ADAMTS17: variants seen among roughly 807,000 people sequenced by gnomAD.
The protein encoded by ADAMTS17 is A disintegrin and metalloproteinase with thrombospondin motifs 17.
Under a neutral mutation model 141.5 loss-of-function variants are expected in ADAMTS17, and 113 were observed. The observed-to-expected ratio is 0.80, with a 90% CI of 0.69 to 0.93. The LOEUF is 0.93. ADAMTS17 is among the 40% of genes least tolerant of loss of function. The pLI is 0.00. For missense variants in ADAMTS17, 1,659 were observed against 1,517.9 expected (o/e 1.09, Z -1.54); for synonymous variants, 768 against 630.6 (o/e 1.22, Z -3.27).
rs912220510 is a variant in ADAMTS17, at chr15:100,238,703, T to A, written c.1075+15433A>T. Among the ~76,000 whole-genome samples the A allele has an allele frequency of 2.0e-5, 3 of 152,198 alleles. No individual in the cohort carries two copies. In the South Asian group the frequency reaches 6.2e-4, roughly 32 times the overall value. On this transcript the variant is annotated intron_variant, in intron 7 of 21. Transcript: ENST00000268070. ...CCAGCTCTGTCACTCGCGAGTGGCATAATTTCAGACAAGAAATGTATTCTT... is the reference window on the plus strand; with the variant it reads ...CCAGCTCTGTCACTCGCGAGTGGCAAAATTTCAGACAAGAAATGTATTCTT...
chr15:100,312,386 A>C (rs758003704), intron 3 of ADAMTS17, among the ~76,000 whole-genome samples: 3 of 152,084 alleles, frequency 2.0e-5, no homozygotes, highest in Non-Finnish European at 4.4e-5. Context: ...AAAATGAGGA[A>C]ACAGATTCTC....
intron 15 of ADAMTS17, among the ~76,000 whole-genome samples, chr15:100,084,769 T>A (rs1218363013): frequency 6.6e-6 from 1 of 152,194 alleles, no homozygotes; most frequent in Non-Finnish European, 1.5e-5. Context: ...CCAACAGACC[T>A]GTAGCTGAGG....
intron 15 of ADAMTS17, among the ~76,000 whole-genome samples, chr15:100,068,948 C>G (rs1227432107): frequency 6.6e-6 from 1 of 152,096 alleles, no homozygotes; most frequent in Non-Finnish European, 1.5e-5. Flanking sequence ...CTACTCCGAG[C>G]TAAAGGAGGA....
intron 7 of ADAMTS17, among the ~76,000 whole-genome samples, chr15:100,243,005 G>A (rs1450851014): frequency 6.6e-6 from 1 of 152,100 alleles, no homozygotes; most frequent in Admixed American, 6.6e-5. Context: ...TCAGCTCCTG[G>A]CAACTGCCAT....
chr15:100,054,008 T>C lies in ADAMTS17; in HGVS notation c.2184A>G (p.Ile728Met), dbSNP rs771333835. 2.5e-6 allele frequency: 4 copies of C among 1,614,200 alleles called. No homozygotes were observed. The highest frequency in any genetic ancestry group is 2.2e-5 in the East Asian group (1 of 44,882). Residue 728 changes from isoleucine (I) to methionine (M), a missense_variant, in exon 16 of 22, where the codon ATA (isoleucine) becomes ATG (methionine). Transcript: ENST00000268070. ...GKGSINSDWKIELPGEFQIAG... is the reference protein window; with the variant it reads ...GKGSINSDWKMELPGEFQIAG... ...CAATCTGGAACTCTCCGGGGAGCTC[T>C]ATCTTCCAGTCACTGTTGATGGACC...
chr15:100,305,726 T>G (rs2141834891), intron 3 of ADAMTS17, among the ~76,000 whole-genome samples: 1 of 152,302 alleles, frequency 6.6e-6, no homozygotes, highest in South Asian at 2.1e-4. Context: ...ATGTCAAAAC[T>G]CATCACATTA....
intron 3 of ADAMTS17, among the ~76,000 whole-genome samples, chr15:100,303,542 G>A (rs974100257): frequency 6.6e-6 from 1 of 151,900 alleles, no homozygotes; most frequent in Non-Finnish European, 1.5e-5. Flanking sequence ...CCTAAACCTA[G>A]ACCACAAATA....
chr15:99,979,671 G>A (rs2060443164), intron 20 of ADAMTS17: 2 of 152,206 alleles, frequency 1.3e-5, no homozygotes, highest in Non-Finnish European at 2.9e-5. Flanking sequence ...TCAAAGTGGA[G>A]CTGGTGACGA....
At chr15:99,987,302 C>T (rs2060609460) in intron 20 of ADAMTS17, among the ~76,000 whole-genome samples, 1 of 152,138 alleles carries the variant, frequency 6.6e-6, no homozygotes, top group Non-Finnish European at 1.5e-5. Flanking sequence ...GTGAGCGGAA[C>T]ACCTGCTTAG....
chr15:100,335,784 T>C (rs1354707334), intron 2 of ADAMTS17, among the ~76,000 whole-genome samples: 1 of 152,228 alleles, frequency 6.6e-6, no homozygotes, highest in Non-Finnish European at 1.5e-5. Flanking sequence ...TATTTACCCC[T>C]GTATGGCTGC....
chr15:100,257,423 C>T (rs1017950979), intron 6 of ADAMTS17, among the ~76,000 whole-genome samples: 10 of 152,234 alleles, frequency 6.6e-5, no homozygotes, highest in South Asian at 2.1e-4. Flanking sequence ...GAAGACGGGA[C>T]GTGCACTGAT....
intron 15 of ADAMTS17, among the ~76,000 whole-genome samples, chr15:100,071,282 G>C (rs1373013387): frequency 6.7e-6 from 1 of 150,074 alleles, no homozygotes; most frequent in Non-Finnish European, 1.5e-5. Flanking sequence ...TCCAGGACCA[G>C]ATGGATTCAC....
At chr15:99,985,519 G>C (rs953930910) in intron 20 of ADAMTS17, among the ~76,000 whole-genome samples, 1 of 152,208 alleles carries the variant, frequency 6.6e-6, no homozygotes, top group Admixed American at 6.5e-5. Context: ...AAAGCCTTTG[G>C]GGGAGCAGAT....
intron 20 of ADAMTS17, among the ~76,000 whole-genome samples, chr15:99,984,885 TCTCA>T (rs2141298175): frequency 6.6e-6 from 1 of 152,326 alleles, no homozygotes; most frequent in East Asian, 1.9e-4. Flanking sequence ...CTCTCTGATC[TCTCA>T]CTCCCTGCAA....
At chr15:100,099,324 G>A (rs554737030) in intron 14 of ADAMTS17, among the ~76,000 whole-genome samples, 13 of 152,308 alleles carry the variant, frequency 8.5e-5, no homozygotes, top group South Asian at 2.1e-4. Flanking sequence ...CAAAATCTGC[G>A]AACGGGGGCA....
chr15:100,113,597 T>A (rs2036925630), intron 13 of ADAMTS17, among the ~76,000 whole-genome samples: 1 of 152,254 alleles, frequency 6.6e-6, no homozygotes, highest in African/African-American at 2.4e-5. Context: ...TGGGCTACCC[T>A]ACCAGCTTCC....
chr15:100,145,422 T>A (rs2038854773), intron 10 of ADAMTS17, among the ~76,000 whole-genome samples: 1 of 152,226 alleles, frequency 6.6e-6, no homozygotes, highest in African/African-American at 2.4e-5. Context: ...GTAGTATTTT[T>A]CATATTAAAG....
intron 18 of ADAMTS17, among the ~76,000 whole-genome samples, chr15:100,040,166 C>T (rs1261997142): frequency 2.0e-5 from 3 of 152,122 alleles, no homozygotes; most frequent in Non-Finnish European, 4.4e-5. Flanking sequence ...CCAAGAATGA[C>T]CTTCATTAGA....
At position 99,972,544 on chromosome 15, in the gene ADAMTS17, C is replaced by T. The variant is rs931184040; in HGVS notation, c.*1858G>A. The T allele has an allele frequency of 2.0e-5, 3 of 152,174 alleles. No individual in the cohort carries two copies. The highest frequency in any genetic ancestry group is 6.5e-5 in the Admixed American group (1 of 15,278). 9.4% of individuals were successfully genotyped at this position (152,174 alleles called of 1,614,324 possible). A position where few individuals can be genotyped will look rare whatever the true frequency, so the allele number is the denominator to read the frequency against. On this transcript the variant is annotated 3_prime_UTR_variant, in exon 22 of 22. Coordinates refer to ENST00000268070, the MANE Select transcript of ADAMTS17 (RefSeq NM_139057.4). ...GGATGAAGAAAATTGAACCTCAGCG[C>T]CCCCAAAATTTTGAGGGCTTTGTGA... is the stretch of plus-strand genomic sequence containing the variant.
Sources: gnomAD v4.1 joint callset for allele counts (sites outside exome capture counted in the v4.1 genomes callset) on GRCh38, gnomAD v4.1.1 for gene constraint, MANE v1.5 for transcripts, NCBI Gene and HGNC (gene_info 2026-07-23, HGNC 2026-07-21) for gene names.